IKZF2: variants seen among roughly 807,000 people sequenced by gnomAD.
The protein encoded by IKZF2 is zinc finger protein Helios.
In IKZF2, 15 loss-of-function variants were observed where a neutral mutation model predicts 49.2. That is an observed-to-expected ratio of 0.30 (90% CI 0.20 to 0.47). The LOEUF (loss-of-function observed/expected upper bound fraction) is 0.47, where lower values mean the gene tolerates loss of function less well. Among genes scored for constraint, IKZF2 ranks in the 20% least tolerant of loss-of-function variants. IKZF2 has a pLI of 1.00. For synonymous variants in IKZF2, 227 were observed against 221.4 expected, an observed-to-expected ratio of 1.03 and a Z score of -0.23; for missense variants, 567 against 664.6, an observed-to-expected ratio of 0.85 and a Z score of 1.61.
chr2:213,033,024 T>C (rs1211565209), intron 6 of IKZF2, among the ~76,000 whole-genome samples: 2 of 152,234 alleles, frequency 1.3e-5, no homozygotes, highest in Non-Finnish European at 2.9e-5. Context: ...TACTGCTTTG[T>C]CAACTAAGTT....
At chr2:213,083,058 A>G (rs1371005015) in intron 4 of IKZF2, among the ~76,000 whole-genome samples, 1 of 152,206 alleles carries the variant, frequency 6.6e-6, no homozygotes, top group Non-Finnish European at 1.5e-5. Flanking sequence ...GACTTTTTAA[A>G]CCTTCAGTTA....
intron 4 of IKZF2, among the ~76,000 whole-genome samples, chr2:213,091,902 GTGTGTGTGTGTGTA>G (rs2125645342): frequency 6.7e-6 from 1 of 149,408 alleles, no homozygotes; most frequent in South Asian, 2.1e-4. Flanking sequence ...GTGTGTGTGC[GTGTGTGTGTGTGTA>G]TGTGTGTGTG....
intron 6 of IKZF2, among the ~76,000 whole-genome samples, chr2:213,032,299 C>T (rs1220186148): frequency 6.6e-6 from 1 of 152,162 alleles, no homozygotes; most frequent in Non-Finnish European, 1.5e-5. Flanking sequence ...CACCCCATCA[C>T]AATAAAGAAT....
At chr2:213,070,982 T>G (rs540301840) in intron 4 of IKZF2, among the ~76,000 whole-genome samples, 2 of 152,296 alleles carry the variant, frequency 1.3e-5, no homozygotes, top group Non-Finnish European at 2.9e-5. Context: ...GTGCATTTAG[T>G]TGGGCGTCCT....
chr2:213,147,728 G>A lies in IKZF2; in HGVS notation c.119C>T (p.Ser40Leu), dbSNP rs1344728737. The A allele has an allele frequency of 1.2e-6, 2 of 1,613,670 alleles. No homozygotes were observed. The change falls in exon 4 of 9, where the codon TCA (serine) becomes TTA (leucine). Residue 40 changes from serine to leucine, a missense_variant. By Grantham distance (145) the Ser-to-Leu change is moderately radical. This residue lies in a region of IKZF2 where 156 missense variants were observed against 138.5 expected (regional missense o/e 1.13). Coordinates refer to ENST00000434687, the MANE Select transcript of IKZF2 (RefSeq NM_001387220.1). ...TSSTPNGQHA[S>L]PSHMTSTNSV... Reference sequence around the variant, plus strand: ...CTTACTGCTTGTCATGTGACTTGGTGAGGCATGCTGTCCATTGGGTGTGCT... The same window carrying A: ...CTTACTGCTTGTCATGTGACTTGGTAAGGCATGCTGTCCATTGGGTGTGCT...
At chr2:213,114,292 G>A (rs1559291724) in intron 4 of IKZF2, among the ~76,000 whole-genome samples, 2 of 152,086 alleles carry the variant, frequency 1.3e-5, no homozygotes, top group African/African-American at 4.8e-5. Flanking sequence ...TATTCTGATA[G>A]TTTGACTTTG....
intron 4 of IKZF2, among the ~76,000 whole-genome samples, chr2:213,095,338 G>A (rs772618754): frequency 5.9e-5 from 9 of 152,060 alleles, no homozygotes; most frequent in Non-Finnish European, 1.0e-4. Context: ...ATTTTAAAAC[G>A]TGATCCCCAA....
In IKZF2 at chr2:213,015,788, T is replaced by A. The variant is rs1428533415; in HGVS notation, c.713-1854A>T. 2.6e-5 allele frequency among the ~76,000 whole-genome samples: 4 copies of A among 151,696 alleles called. No homozygotes were observed. The East Asian group carries it at 5.8e-4, about 22-fold the overall frequency. On this transcript the variant is annotated intron_variant, in intron 7 of 8. Coordinates refer to ENST00000434687, the MANE Select transcript of IKZF2 (RefSeq NM_001387220.1). ...AAAGAATTTGGCAAGAAAAAAAAAATGTTGTTGTAAATTTTGCTAAAAAAC... is the reference window on the plus strand; with the variant it reads ...AAAGAATTTGGCAAGAAAAAAAAAAAGTTGTTGTAAATTTTGCTAAAAAAC...
intron 4 of IKZF2, among the ~76,000 whole-genome samples, chr2:213,133,703 A>AAAAAAAAT (rs1553602152): frequency 6.9e-6 from 1 of 145,398 alleles, no homozygotes; most frequent in Non-Finnish European, 1.5e-5. Context: ...CCGTCTCGAA[A>AAAAAAAAT]AAATAAATAA....
intron 7 of IKZF2, chr2:213,015,224 C>T (rs1462792428): frequency 1.3e-5 from 2 of 151,936 alleles, no homozygotes; most frequent in African/African-American, 4.8e-5. Flanking sequence ...ATCAACATTC[C>T]ATCCAAGTTT....
In IKZF2 at chr2:213,003,177, A is replaced by G. The variant is rs1429307027; in HGVS notation, c.*4183T>C. On this transcript the variant is annotated 3_prime_UTR_variant, in exon 9 of 9. Coordinates refer to ENST00000434687, the MANE Select transcript of IKZF2 (RefSeq NM_001387220.1). ...TGTACAGCTGCAACAGCTAACCAAC[A>G]CTCTCAATGCATTTTAAAAAGGCAC... The G allele has an allele frequency of 1.3e-5, 2 of 152,092 alleles. No homozygotes were observed. Among genetic ancestry groups the G allele is most frequent in the Non-Finnish European group, 3.0e-5 (2 of 67,656 alleles). 9.4% of individuals were successfully genotyped at this position (152,092 alleles called of 1,614,324 possible).
chr2:213,012,690 G>C (rs928404637), intron 8 of IKZF2, among the ~76,000 whole-genome samples: 2 of 151,852 alleles, frequency 1.3e-5, no homozygotes, highest in African/African-American at 4.8e-5. Context: ...TGCTATTTTG[G>C]TGATGTGTTA....
At chr2:213,035,047 A>C (rs1464236696) in intron 6 of IKZF2, among the ~76,000 whole-genome samples, 4 of 152,202 alleles carry the variant, frequency 2.6e-5, no homozygotes, top group African/African-American at 9.6e-5. Flanking sequence ...CATATAAAGA[A>C]TATGTATTTG....
At chr2:213,013,508 T>A (rs1696211856) in intron 8 of IKZF2, among the ~76,000 whole-genome samples, 1 of 152,004 alleles carries the variant, frequency 6.6e-6, no homozygotes, top group Non-Finnish European at 1.5e-5. Context: ...GACTATTTTT[T>A]AAAGAAATTA....
chr2:213,052,628 C>T (rs1407926779), intron 5 of IKZF2, among the ~76,000 whole-genome samples: 2 of 151,962 alleles, frequency 1.3e-5, no homozygotes, highest in East Asian at 3.9e-4. Context: ...AAAGACAATA[C>T]TGTTAGAAAC....
At chr2:213,074,098 T>A (rs898590798) in intron 4 of IKZF2, among the ~76,000 whole-genome samples, 1 of 152,182 alleles carries the variant, frequency 6.6e-6, no homozygotes, top group Non-Finnish European at 1.5e-5. Flanking sequence ...GACACATCCA[T>A]CTCTAACTAA....
intron 4 of IKZF2, among the ~76,000 whole-genome samples, chr2:213,099,213 T>C (rs1232148613): frequency 6.6e-6 from 1 of 152,046 alleles, no homozygotes; most frequent in Non-Finnish European, 1.5e-5. Flanking sequence ...CCCCCCATCC[T>C]CCTTTCTTTT....
chr2:213,124,240 T>TCG (rs143337769), intron 4 of IKZF2, among the ~76,000 whole-genome samples: 10,257 of 115,398 alleles, frequency 0.089, 536 homozygotes, highest in East Asian at 0.16. Flanking sequence ...ACACATGCGC[T>TCG]CGCGCGCGCG....
chr2:213,137,992 A>G (rs2060735574), intron 4 of IKZF2, among the ~76,000 whole-genome samples: 1 of 152,138 alleles, frequency 6.6e-6, no homozygotes, highest in South Asian at 2.1e-4. Context: ...AGCAATGACA[A>G]AAACGTCAAA....
Sources: gnomAD v4.1 joint callset for allele counts (sites outside exome capture counted in the v4.1 genomes callset) on GRCh38, gnomAD v4.1.1 for gene constraint, gnomAD v4.1.1 regional missense constraint, MANE v1.5 for transcripts, NCBI Gene and HGNC (gene_info 2026-07-23, HGNC 2026-07-21) for gene names.